EYS: variants seen among roughly 807,000 people sequenced by gnomAD.
EYS encodes EGF-like photoreceptor maintenance factor, also known as protein eyes shut homolog.
EYS carries 250 observed loss-of-function variants against 282.1 expected under a neutral mutation model. The ratio of observed to expected loss-of-function variants is 0.89; its 90% CI spans 0.80 to 0.98. The LOEUF is 0.98. Among genes scored for constraint, EYS ranks in the 50% least tolerant of loss-of-function variants. The pLI is 0.00. For synonymous variants in EYS, 1,355 were observed against 1,282.9 expected (o/e 1.06, Z -1.20); for missense variants, 4,016 against 3,709.0 (o/e 1.08, Z -2.15).
At chr6:64,869,082 AT>A (rs1327274688) in intron 19 of EYS, among the ~76,000 whole-genome samples, 1 of 151,458 alleles carries the variant, frequency 6.6e-6, no homozygotes, top group Non-Finnish European at 1.5e-5. Context: ...CTCAGTTATC[AT>A]TTTATCATAC....
intron 14 of EYS, among the ~76,000 whole-genome samples, chr6:64,983,884 T>G (rs924037004): frequency 1.3e-5 from 2 of 151,322 alleles, no homozygotes; most frequent in Non-Finnish European, 3.0e-5. Flanking sequence ...CAAGTTTACA[T>G]GACTTTGTAG....
intron 2 of EYS, among the ~76,000 whole-genome samples, chr6:65,561,015 TCA>T (rs1345453125): frequency 1.3e-5 from 2 of 152,128 alleles, no homozygotes; most frequent in Non-Finnish European, 2.9e-5. Context: ...CTTGGATAAT[TCA>T]CAGATATTCT....
At chr6:64,688,016 G>A (rs375270880) in intron 22 of EYS, among the ~76,000 whole-genome samples, 1 of 152,016 alleles carries the variant, frequency 6.6e-6, no homozygotes, top group Non-Finnish European at 1.5e-5. Context: ...TTGTGTAGAG[G>A]TGTTTATAGT....
intron 31 of EYS, among the ~76,000 whole-genome samples, chr6:64,096,817 G>A (rs1040675963): frequency 2.0e-5 from 3 of 152,210 alleles, no homozygotes; most frequent in South Asian, 4.1e-4. Context: ...CTTTGGAGGA[G>A]GAGAGCTGCT....
rs1368738402 is a variant in EYS at position 64,617,508 on chromosome 6, A to C, written c.3594T>G (p.Asn1198Lys). The C allele has an allele frequency of 6.5e-7, 1 of 1,550,368 alleles. No homozygotes were observed. The highest frequency in any genetic ancestry group is 8.7e-7 in the Non-Finnish European group (1 of 1,145,902). The change falls in exon 24 of 43, where the codon AAT becomes AAG. Residue 1198 changes from asparagine (N) to lysine (K), a missense_variant. Physicochemically the swap from Asn to Lys is moderately conservative, Grantham distance 94. Coordinates refer to ENST00000503581, the MANE Select transcript of EYS (RefSeq NM_001142800.2). ...ATGAGTTGGGAATGCACTCAAGCTC[A>C]TTCTCACAGTGGTGTCCAGACCATC... The part of the protein sequence containing the change: ...QPGWSGHHCE[N>K]ELECIPNSCV...
chr6:64,426,171 C>A (rs1030637577), intron 28 of EYS, among the ~76,000 whole-genome samples: 2 of 151,988 alleles, frequency 1.3e-5, no homozygotes, highest in Non-Finnish European at 2.9e-5. Context: ...ATGCTTAGTA[C>A]AATGGAGACA....
intron 12 of EYS, among the ~76,000 whole-genome samples, chr6:65,205,595 A>AAT (rs1766015316): frequency 6.6e-6 from 1 of 151,662 alleles, no homozygotes; most frequent in Non-Finnish European, 1.5e-5. Context: ...AACCAGAGGG[A>AAT]ATACATTTTT....
intron 11 of EYS, among the ~76,000 whole-genome samples, chr6:65,333,140 T>A (rs888973311): frequency 1.7e-4 from 26 of 151,536 alleles, no homozygotes; most frequent in African/African-American, 6.0e-4. Context: ...TCCTCTCTTA[T>A]CCATTGTGTT....
rs1484194418 is a variant in EYS at position 64,344,095 on chromosome 6, A to C, written c.6079-37013T>G. On this transcript the variant is annotated intron_variant, in intron 29 of 42. Transcript: ENST00000503581. ...TACCAACCAAAAAAAAGTCCAGGACAAGATGGATTCACAGCCGAATTCTAC... is the reference window on the plus strand; with the variant it reads ...TACCAACCAAAAAAAAGTCCAGGACCAGATGGATTCACAGCCGAATTCTAC... Among the ~76,000 whole-genome samples the C allele has an allele frequency of 4.6e-5, 7 of 151,968 alleles. No homozygotes were observed. In the South Asian group the frequency reaches 1.2e-3, roughly 27 times the overall value.
chr6:65,260,695 A>G (rs578077057), intron 12 of EYS, among the ~76,000 whole-genome samples: 1 of 152,206 alleles, frequency 6.6e-6, no homozygotes, highest in Admixed American at 6.6e-5. Flanking sequence ...ATTTAAGATT[A>G]CTTATATGTC....
chr6:65,267,514 A>G (rs1364327474), intron 12 of EYS, among the ~76,000 whole-genome samples: 3 of 151,998 alleles, frequency 2.0e-5, no homozygotes, highest in Non-Finnish European at 4.4e-5. Flanking sequence ...TTCACCCTAG[A>G]TCTGATGAAT....
chr6:64,881,259 T>C (rs1766910331), intron 19 of EYS, among the ~76,000 whole-genome samples: 1 of 151,796 alleles, frequency 6.6e-6, no homozygotes, highest in Non-Finnish European at 1.5e-5. Context: ...ATGAGAAGCC[T>C]AAAATAGAGT....
chr6:64,714,283 A>T (rs535085292), intron 22 of EYS, among the ~76,000 whole-genome samples: 1 of 152,302 alleles, frequency 6.6e-6, no homozygotes, highest in South Asian at 2.1e-4. Context: ...AACCATGAGA[A>T]AAAAAGATAA....
intron 13 of EYS, among the ~76,000 whole-genome samples, chr6:65,044,590 T>G (rs1484407130): frequency 2.0e-5 from 3 of 151,858 alleles, no homozygotes; most frequent in Non-Finnish European, 4.4e-5. Context: ...TGTCTCTGGA[T>G]TCTGTTTTCT....
chr6:63,736,226 C>T (rs972713043), intron 41 of EYS, among the ~76,000 whole-genome samples: 3 of 152,104 alleles, frequency 2.0e-5, no homozygotes, highest in East Asian at 1.9e-4. Context: ...TTAGGTCTAA[C>T]GTTTAAGTCT....
intron 12 of EYS, among the ~76,000 whole-genome samples, chr6:65,178,596 C>A (rs1376841075): frequency 1.3e-5 from 2 of 151,916 alleles, no homozygotes; most frequent in African/African-American, 4.8e-5. Flanking sequence ...ACTTAGACTC[C>A]CACACATTAA....
At chr6:64,727,533 T>C (rs898017093) in intron 22 of EYS, among the ~76,000 whole-genome samples, 2 of 152,210 alleles carry the variant, frequency 1.3e-5, no homozygotes, top group African/African-American at 4.8e-5. Flanking sequence ...CTTTTTTCTC[T>C]TTAAATGTGT....
At chr6:65,515,251 A>C (rs1767078684) in intron 2 of EYS, among the ~76,000 whole-genome samples, 1 of 151,852 alleles carries the variant, frequency 6.6e-6, no homozygotes, top group South Asian at 2.1e-4. Flanking sequence ...ATACCATCTC[A>C]CACCAGTTAG....
At chr6:65,487,574 G>A (rs74743811) in intron 5 of EYS, among the ~76,000 whole-genome samples, 9 of 152,122 alleles carry the variant, frequency 5.9e-5, no homozygotes, top group South Asian at 2.1e-4. Flanking sequence ...GATTCTCCTT[G>A]CCAGTATTTT....
Sources: allele counts gnomAD v4.1 joint callset (sites outside exome capture counted in the v4.1 genomes callset), GRCh38; gene constraint gnomAD v4.1.1; transcripts MANE v1.5; gene names NCBI Gene and HGNC (gene_info 2026-07-23, HGNC 2026-07-21).